Variants in SMARCAL1 observed in about 807,000 individuals in gnomAD.
SMARCAL1 encodes the protein ATP-driven annealing helicase.
A neutral mutation model predicts 94.5 loss-of-function variants in SMARCAL1; 58 were observed. The ratio of observed to expected loss-of-function variants is 0.61; its 90% CI spans 0.50 to 0.76. The LOEUF is 0.76. SMARCAL1 is among the 30% of genes least tolerant of loss of function. SMARCAL1 has a pLI of 0.00. For missense variants in SMARCAL1, 1,051 were observed against 1,177.9 expected (o/e 0.89, Z 1.58); for synonymous variants, 422 against 455.1 (o/e 0.93, Z 0.93).
intron 11 of SMARCAL1, 90 bp downstream of exon 11, chr2:216,447,248 G>C (rs571184022): frequency 6.8e-7 from 1 of 1,473,212 alleles, no homozygotes; most frequent in Non-Finnish European, 9.4e-7. Flanking sequence ...GCCATGATAT[G>C]GTCAGAAGAG....
rs778786012 is a variant in SMARCAL1, at chr2:216,415,424, G to T, written c.720G>T (p.Lys240Asn). The T allele has an allele frequency of 6.2e-7, 1 of 1,614,262 alleles. No homozygotes were observed. The highest frequency in any genetic ancestry group is 8.5e-7 in the Non-Finnish European group (1 of 1,180,056). ...VQKGVNSQKGKCVRNGDRFQV... is the reference protein window; with the variant it reads ...VQKGVNSQKGNCVRNGDRFQV... ...AAGGAGTGAACTCTCAGAAGGGAAAGTGCGTAAGGAACGGCGATCGTTTCC... is the reference window on the plus strand; with the variant it reads ...AAGGAGTGAACTCTCAGAAGGGAAATTGCGTAAGGAACGGCGATCGTTTCC... The change falls in exon 3 of 18, where the codon AAG (lysine) becomes AAT (asparagine). Residue 240 changes from lysine to asparagine, a missense_variant. Around this residue, in one of 3 missense-constraint regions of SMARCAL1, gnomAD observed 398 missense variants for 395.2 expected, o/e 1.01. Coordinates refer to ENST00000357276, the MANE Select transcript of SMARCAL1 (RefSeq NM_014140.4).
At chr2:216,420,179 A>G (rs1693685608) in intron 4 of SMARCAL1, 120 bp from the exon 5 acceptor site, 1 of 792,928 alleles carries the variant, frequency 1.3e-6, no homozygotes, top group Non-Finnish European at 2.1e-6. Context: ...CTTCCTGCCA[A>G]ACCTAGTGCC....
At chr2:216,447,945 A>T (rs1197315989) in intron 11 of SMARCAL1, among the ~76,000 whole-genome samples, 1 of 152,216 alleles carries the variant, frequency 6.6e-6, no homozygotes, top group Non-Finnish European at 1.5e-5. Flanking sequence ...AATAGCTGCA[A>T]CTTACCCTAC....
intron 6 of SMARCAL1, 48 bp downstream of exon 6, chr2:216,423,731 T>C: frequency 6.8e-7 from 1 of 1,477,924 alleles, no homozygotes; most frequent in Non-Finnish European, 9.5e-7. Context: ...TGTTAAGCTT[T>C]AATAATTCAC....
intron 14 of SMARCAL1, among the ~76,000 whole-genome samples, chr2:216,472,278 C>T (rs887111324): frequency 6.6e-6 from 1 of 152,088 alleles, no homozygotes; most frequent in East Asian, 1.9e-4. Flanking sequence ...TTGCTTGAAC[C>T]TGGGAAGCAG....
intron 15 of SMARCAL1, among the ~76,000 whole-genome samples, chr2:216,476,069 G>T (rs556556948): frequency 6.6e-6 from 1 of 152,288 alleles, no homozygotes; most frequent in South Asian, 2.1e-4. Flanking sequence ...AGTGACAGCA[G>T]TGAGGGTTTC....
At position 216,473,972 on chromosome 2, in the gene SMARCAL1, T is replaced by C. The variant is rs1353269970; in HGVS notation, c.2245-1297T>C. On this transcript the variant is annotated intron_variant, in intron 14 of 17. Transcript: ENST00000357276. Reference sequence around the variant, plus strand: ...CTTCAACAGATGGATGGTGAAACTATGGTATATCCATACTGTGGGCTATTT... The same window carrying C: ...CTTCAACAGATGGATGGTGAAACTACGGTATATCCATACTGTGGGCTATTT... 2.0e-5 allele frequency among the ~76,000 whole-genome samples: 3 copies of C among 152,082 alleles called. No individual in the cohort carries two copies. In the East Asian group the frequency reaches 5.8e-4, roughly 29 times the overall value.
chr2:216,421,518 G>A (rs946580485), intron 5 of SMARCAL1, among the ~76,000 whole-genome samples: 4 of 151,976 alleles, frequency 2.6e-5, no homozygotes, highest in South Asian at 2.1e-4. Context: ...GGCTTGTCTC[G>A]AACTTCTTCG....
intron 16 of SMARCAL1, among the ~76,000 whole-genome samples, chr2:216,477,820 T>C (rs530740242): frequency 1.3e-5 from 2 of 152,298 alleles, no homozygotes; most frequent in Admixed American, 1.3e-4. Context: ...CTTGTCTCTG[T>C]TTCCAGCCTT....
At chr2:216,462,910 A>T (rs1694737070) in intron 12 of SMARCAL1, among the ~76,000 whole-genome samples, 2 of 151,992 alleles carry the variant, frequency 1.3e-5, no homozygotes, top group Admixed American at 1.3e-4. Context: ...GGATTGCTTG[A>T]GCCCAAGACG....
intron 10 of SMARCAL1, among the ~76,000 whole-genome samples, chr2:216,439,689 A>G (rs1420632244): frequency 1.3e-5 from 2 of 152,238 alleles, no homozygotes; most frequent in Non-Finnish European, 2.9e-5. Context: ...TCATGTGTTT[A>G]GGAATAACGG....
chr2:216,427,788 T>G (rs1261263200), intron 6 of SMARCAL1, among the ~76,000 whole-genome samples: 1 of 152,204 alleles, frequency 6.6e-6, no homozygotes, highest in East Asian at 1.9e-4. Flanking sequence ...GTATTTACAG[T>G]GGTAACCAAT....
intron 6 of SMARCAL1, among the ~76,000 whole-genome samples, chr2:216,427,643 T>C (rs1693864396): frequency 6.6e-6 from 1 of 152,240 alleles, no homozygotes; most frequent in African/African-American, 2.4e-5. Flanking sequence ...CTCATGGTGA[T>C]TATTTTTGTG....
At chr2:216,461,090 G>GTGTA (rs1416643830) in intron 12 of SMARCAL1, among the ~76,000 whole-genome samples, 8 of 144,146 alleles carry the variant, frequency 5.5e-5, no homozygotes, top group South Asian at 2.2e-4. Context: ...GTGTGTGTGT[G>GTGTA]TATGTGTGTG....
intron 14 of SMARCAL1, among the ~76,000 whole-genome samples, chr2:216,471,320 C>T (rs1694960833): frequency 6.6e-6 from 1 of 151,648 alleles, no homozygotes; most frequent in Non-Finnish European, 1.5e-5. Flanking sequence ...TACCTAAACA[C>T]ATGTATTTTT....
Position 216,432,829 on chromosome 2 carries a change from G to T in SMARCAL1, c.1446G>T (p.Leu482=), listed in dbSNP as rs909536305. Residue 482 remains leucine, a synonymous_variant, in exon 8 of 18, where the codon CTG becomes CTT. Coordinates refer to ENST00000357276, the MANE Select transcript of SMARCAL1 (RefSeq NM_014140.4). ...AAFYRKEWPL[L]VVVPSSVRFT... is the part of the protein sequence containing the mutation. ...TTTACCGGAAGGAGTGGCCGCTCCT[G>T]GTGGTGGTGCCATCCTCCGTGCGCT... 1.2e-6 allele frequency: 2 copies of T among 1,614,234 alleles called. No individual in the cohort carries two copies. Among genetic ancestry groups the T allele is most frequent in the South Asian group, 2.2e-5 (2 of 91,088 alleles).
chr2:216,419,570 G>A (rs757572680), intron 4 of SMARCAL1, among the ~76,000 whole-genome samples: 10 of 152,176 alleles, frequency 6.6e-5, no homozygotes, highest in Non-Finnish European at 1.5e-4. Context: ...TCTCTGAGCA[G>A]TAGACAGAGT....
chr2:216,427,911 A>T (rs1693871835), intron 6 of SMARCAL1, among the ~76,000 whole-genome samples: 1 of 152,208 alleles, frequency 6.6e-6, no homozygotes, highest in Non-Finnish European at 1.5e-5. Context: ...TAGGATTTCA[A>T]ATAATATTGG....
intron 3 of SMARCAL1, 27 bp downstream of exon 3, chr2:216,415,542 T>G (rs769272643): frequency 9.7e-6 from 15 of 1,542,722 alleles, no homozygotes; most frequent in Non-Finnish European, 1.3e-5. Context: ...TCAGCTGTTT[T>G]TTTTTTTTTT....
Sources: allele counts gnomAD v4.1 joint callset (sites outside exome capture counted in the v4.1 genomes callset), GRCh38; gene constraint gnomAD v4.1.1; regional missense constraint gnomAD v4.1.1; transcripts MANE v1.5; gene names NCBI Gene and HGNC (gene_info 2026-07-23, HGNC 2026-07-21).